The following RSPH14 variants were observed in gnomAD, a reference collection of about 807,000 sequenced individuals.
RSPH14 encodes the protein rhabdoid tumor deletion region gene 1.
Under a neutral mutation model 26.7 loss-of-function variants are expected in RSPH14, and 20 were observed. That is an observed-to-expected ratio of 0.75 (90% CI 0.53 to 1.09). The LOEUF (loss-of-function observed/expected upper bound fraction) is 1.09. RSPH14 is among the 50% of genes least tolerant of loss of function. The pLI, the probability that RSPH14 is intolerant of heterozygous loss-of-function variation, is 0.00. For missense variants in RSPH14, 449 were observed against 457.2 expected (o/e 0.98, Z 0.16); for synonymous variants, 177 against 189.3 (o/e 0.93, Z 0.53).
the RSPH14 span, among the ~76,000 whole-genome samples, chr22:23,174,540 T>C: frequency 6.6e-6 from 1 of 152,142 alleles, no homozygotes; most frequent in East Asian, 1.9e-4. Flanking sequence ...AAACATAATA[T>C]GGATTGGGGA....
intron 4 of RSPH14, among the ~76,000 whole-genome samples, chr22:23,104,408 C>A (rs1484645027): frequency 6.6e-6 from 1 of 152,150 alleles, no homozygotes; most frequent in Non-Finnish European, 1.5e-5. Flanking sequence ...CACAATGATA[C>A]CCTGTCTGAA....
At chr22:23,099,973 G>T (rs2069247431) in intron 4 of RSPH14, among the ~76,000 whole-genome samples, 1 of 152,272 alleles carries the variant, frequency 6.6e-6, no homozygotes. Flanking sequence ...CCTTCAGAAG[G>T]CAAGATTAAA....
chr22:23,172,213 G>A, the RSPH14 span, among the ~76,000 whole-genome samples: 3 of 152,042 alleles, frequency 2.0e-5, no homozygotes, highest in Admixed American at 6.6e-5. Context: ...TTCAGACAGC[G>A]TCTGGTTCTG....
intron 4 of RSPH14, among the ~76,000 whole-genome samples, chr22:23,076,340 C>T (rs186196347): frequency 1.1e-4 from 17 of 152,290 alleles, no homozygotes; most frequent in Admixed American, 2.6e-4. Context: ...CCCAGGGAGT[C>T]GCTGTGGAGG....
the RSPH14 span, chr22:23,152,430 C>T: frequency 6.8e-6 from 11 of 1,612,788 alleles, no homozygotes; most frequent in Non-Finnish European, 9.3e-6. Flanking sequence ...GGAAGGCATG[C>T]CCGACGGCAA....
intron 3 of RSPH14, 103 bp downstream of exon 3, chr22:23,138,737 C>A (rs1195609537): frequency 1.1e-6 from 1 of 939,008 alleles, no homozygotes; most frequent in Non-Finnish European, 1.6e-6. Flanking sequence ...AAAACTGATG[C>A]GGCAGACAAC....
At chr22:23,067,381 G>T (rs1264141872) in intron 4 of RSPH14, among the ~76,000 whole-genome samples, 1 of 152,176 alleles carries the variant, frequency 6.6e-6, no homozygotes, top group East Asian at 1.9e-4. Flanking sequence ...GCCAATGAGG[G>T]CTCAGGACAG....
intron 4 of RSPH14, among the ~76,000 whole-genome samples, chr22:23,126,669 A>G (rs184296153): frequency 3.2e-4 from 48 of 152,342 alleles, no homozygotes; most frequent in East Asian, 2.7e-3. Flanking sequence ...GGAGGTAAGC[A>G]CCAGGACTCA....
the RSPH14 span, chr22:23,179,998 G>T: frequency 2.9e-6 from 1 of 339,470 alleles, no homozygotes; most frequent in South Asian, 4.2e-5. Context: ...GGTGGCCTCT[G>T]ACACGACGAC....
chr22:23,104,439 C>A (rs1271693676), intron 4 of RSPH14, among the ~76,000 whole-genome samples: 2 of 152,206 alleles, frequency 1.3e-5, no homozygotes, highest in African/African-American at 4.8e-5. Flanking sequence ...AGCTTCAGGG[C>A]AGAGCTGCTT....
At position 23,124,314 on chromosome 22, in the gene RSPH14, A is replaced by G. The variant is rs149171108; in HGVS notation, c.421+9712T>C. 9.4e-5 allele frequency: 34 copies of G among 359,852 alleles called. No homozygotes were observed. The East Asian group carries it at 3.2e-3, about 34-fold the overall frequency. The allele number at this position is 359,852 out of a possible 1,614,324, so 22.3% of individuals were successfully genotyped here. ...ATTCTTTTTTAAATGCAGATTTTCA[A>G]AACATATTTTTTTTCAGGTGGTCTT... On this transcript the variant is annotated intron_variant, in intron 4 of 6. Coordinates refer to ENST00000216036, the MANE Select transcript of RSPH14 (RefSeq NM_014433.3).
chr22:23,146,499 A>G (rs1410791887), upstream of RSPH14: 2 of 1,468,224 alleles, frequency 1.4e-6, no homozygotes, highest in East Asian at 2.6e-5. Flanking sequence ...GGCATGAGCC[A>G]CTGCACCCAG....
At chr22:23,073,672 A>G (rs996252065) in intron 4 of RSPH14, among the ~76,000 whole-genome samples, 1 of 152,220 alleles carries the variant, frequency 6.6e-6, no homozygotes, top group East Asian at 1.9e-4. Flanking sequence ...GACAGATCCT[A>G]GAGCACATAG....
the RSPH14 span, among the ~76,000 whole-genome samples, chr22:23,170,625 C>A: frequency 6.6e-6 from 1 of 151,790 alleles, no homozygotes; most frequent in Non-Finnish European, 1.5e-5. Context: ...CCCAGCTACT[C>A]GGGAAGCTGA....
Position 23,134,124 on chromosome 22 carries a change from T to G in RSPH14, c.323A>C (p.Asp108Ala). ...SVGRYAFLEH[D>A]IVLALSFLLN... is the part of the protein sequence containing the mutation. ...CAGGAAGGACAGGGCAAGGACGATG[T>G]CGTGCTCTAGAAAGGCGTATCTAGG... The change falls in exon 4 of 7, where the codon GAC becomes GCC. Residue 108 changes from aspartate (D) to alanine (A), a missense_variant. By Grantham distance (126) the Asp-to-Ala change is moderately radical. Transcript: ENST00000216036. 1 of 1,611,404 alleles carries G rather than the reference T, an allele frequency of 6.2e-7. No individual in the cohort carries two copies. Among genetic ancestry groups the G allele is most frequent in the Non-Finnish European group, 8.5e-7 (1 of 1,177,930 alleles).
rs372762155 is a variant in RSPH14 at position 23,128,448 on chromosome 22, A to G, written c.421+5578T>C. Among the ~76,000 whole-genome samples, 20 of 152,272 alleles carry G rather than the reference A, an allele frequency of 1.3e-4. 1 individual carries two copies. In the East Asian group the frequency reaches 2.1e-3, roughly 16 times the overall value. ...CCTGTGTGTGACATCTGTCTCTACA[A>G]TCCTATTTTCTCCTCTCCTGACACG... On this transcript the variant is annotated intron_variant, in intron 4 of 6. Coordinates refer to ENST00000216036, the MANE Select transcript of RSPH14 (RefSeq NM_014433.3).
the RSPH14 span, among the ~76,000 whole-genome samples, chr22:23,174,436 G>T: frequency 6.6e-6 from 1 of 151,964 alleles, no homozygotes; most frequent in Middle Eastern, 3.2e-3. Flanking sequence ...ATAAATAATA[G>T]AATCATGTAA....
In RSPH14 at chr22:23,100,083, G is replaced by A. The variant is rs181021670; in HGVS notation, c.421+33943C>T. Among the ~76,000 whole-genome samples, 197 of 152,354 alleles carry A rather than the reference G, an allele frequency of 1.3e-3. 2 individuals carry two copies. Among genetic ancestry groups the A allele is most frequent in the Non-Finnish European group, 1.8e-3 (123 of 68,036 alleles). ...CTGTCAGCATTCCCAGCCCTGTGGCGGGTCTGTTTTGCACCTGTGATGGAC... is the reference window on the plus strand; with the variant it reads ...CTGTCAGCATTCCCAGCCCTGTGGCAGGTCTGTTTTGCACCTGTGATGGAC... On this transcript the variant is annotated intron_variant, in intron 4 of 6. Transcript: ENST00000216036.
upstream of RSPH14, among the ~76,000 whole-genome samples, chr22:23,146,338 C>G (rs1039125350): frequency 5.3e-5 from 8 of 152,072 alleles, no homozygotes; most frequent in African/African-American, 1.9e-4. Context: ...TCCCAAGTAG[C>G]TGGGACTGCA....
Sources: gnomAD v4.1 joint callset for allele counts (sites outside exome capture counted in the v4.1 genomes callset) on GRCh38, gnomAD v4.1.1 for gene constraint, MANE v1.5 for transcripts, NCBI Gene and HGNC (gene_info 2026-07-23, HGNC 2026-07-21) for gene names.